The following KIF5C variants were observed in gnomAD, a reference collection of about 807,000 sequenced individuals.
KIF5C encodes kinesin family member 5C.
A neutral mutation model predicts 125.2 loss-of-function variants in KIF5C; 18 were observed. The ratio of observed to expected loss-of-function variants is 0.14; its 90% CI spans 0.10 to 0.21. The LOEUF is 0.21. Among genes scored for constraint, KIF5C ranks in the 10% least tolerant of loss-of-function variants. KIF5C has a pLI of 1.00. For missense variants in KIF5C, 780 were observed against 1,183.8 expected (o/e 0.66, Z 5.01); for synonymous variants, 405 against 434.0 (o/e 0.93, Z 0.83).
chr2:148,969,502 T>C (rs532519512), intron 11 of KIF5C, among the ~76,000 whole-genome samples: 5 of 151,312 alleles, frequency 3.3e-5, no homozygotes, highest in Admixed American at 2.6e-4. Context: ...TACAATATTA[T>C]GAGCTCTTTT....
At chr2:148,952,134 A>G (rs1336833458) in intron 10 of KIF5C, among the ~76,000 whole-genome samples, 1 of 152,214 alleles carries the variant, frequency 6.6e-6, no homozygotes, top group African/African-American at 2.4e-5. Context: ...TCAGAAACCC[A>G]CAAACCAGCA....
intron 16 of KIF5C, 114 bp downstream of exon 16, chr2:148,991,312 T>A (rs1681521277): frequency 1.4e-6 from 2 of 1,441,452 alleles, no homozygotes; most frequent in Admixed American, 2.7e-5. Context: ...CTGCTTTGTG[T>A]AAGCTTGGCC....
intron 1 of KIF5C, among the ~76,000 whole-genome samples, chr2:148,893,337 T>C (rs1360652896): frequency 6.6e-6 from 1 of 152,236 alleles, no homozygotes. Flanking sequence ...TTTTGCTCAC[T>C]AAAATAAGTT....
chr2:148,972,356 T>G (rs1477490570), intron 11 of KIF5C, among the ~76,000 whole-genome samples: 1 of 152,244 alleles, frequency 6.6e-6, no homozygotes, highest in Non-Finnish European at 1.5e-5. Flanking sequence ...TACTACTGAC[T>G]GTAGCAAGAT....
intron 4 of KIF5C, among the ~76,000 whole-genome samples, chr2:148,939,624 ATTTTACAGTCTGGATTTCTGTGTTGCAT>A: frequency 6.6e-6 from 1 of 152,212 alleles, no homozygotes; most frequent in East Asian, 1.9e-4. Flanking sequence ...CTAGGGCTGA[ATTTTACAGTCTGGATTTCTGTGTTGCAT>A]TTGTACTTAT....
intron 11 of KIF5C, among the ~76,000 whole-genome samples, chr2:148,973,005 T>TA (rs1424800332): frequency 2.0e-5 from 3 of 152,184 alleles, no homozygotes; most frequent in Non-Finnish European, 4.4e-5. Context: ...ATGACTCTAG[T>TA]AAAGCCCCAG....
chr2:149,011,818 G>C, intron 25 of KIF5C, 135 bp downstream of exon 25: 3 of 1,262,910 alleles, frequency 2.4e-6, no homozygotes, highest in Non-Finnish European at 3.3e-6. Flanking sequence ...GGGGTTCCAG[G>C]TAAACAGAGA....
At chr2:148,928,633 G>A (rs954683171) in intron 2 of KIF5C, among the ~76,000 whole-genome samples, 1 of 152,148 alleles carries the variant, frequency 6.6e-6, no homozygotes, top group African/African-American at 2.4e-5. Context: ...GAAATTTCCT[G>A]ATGCTGATGG....
At chr2:148,895,597 A>G (rs897590108) in intron 1 of KIF5C, among the ~76,000 whole-genome samples, 1 of 152,196 alleles carries the variant, frequency 6.6e-6, no homozygotes, top group Non-Finnish European at 1.5e-5. Context: ...TTATGTTTCA[A>G]ATGGTCAAAA....
At chr2:149,021,165 C>T (rs944239657) in intron 25 of KIF5C, among the ~76,000 whole-genome samples, 15 of 152,096 alleles carry the variant, frequency 9.9e-5, no homozygotes, top group Non-Finnish European at 1.5e-4. Flanking sequence ...CAGGTTCAAG[C>T]GATTCTCCTG....
At chr2:148,984,784 G>GTTTA (rs201450383) in intron 15 of KIF5C, among the ~76,000 whole-genome samples, 21 of 151,948 alleles carry the variant, frequency 1.4e-4, no homozygotes, top group Middle Eastern at 3.4e-3. Flanking sequence ...TTGGTTATTT[G>GTTTA]TTTATTTATT....
At chr2:148,913,223 A>G (rs1681412425) in intron 1 of KIF5C, among the ~76,000 whole-genome samples, 1 of 152,202 alleles carries the variant, frequency 6.6e-6, no homozygotes, top group South Asian at 2.1e-4. Flanking sequence ...AACAGTTACA[A>G]GATGCAATAT....
chr2:148,957,807 A>T (rs1035655727), intron 10 of KIF5C, among the ~76,000 whole-genome samples: 1 of 152,026 alleles, frequency 6.6e-6, no homozygotes. Flanking sequence ...TTATAAATAT[A>T]TATACACATG....
At chr2:148,973,312 A>G (rs1406976856) in intron 11 of KIF5C, 24 bp from the exon 12 acceptor site, 1 of 1,599,646 alleles carries the variant, frequency 6.3e-7, no homozygotes, top group Non-Finnish European at 8.5e-7. Context: ...TTAATCCCCA[A>G]CTCTGCTCGG....
chr2:148,992,123 GTA>G (rs1681544147), intron 16 of KIF5C, among the ~76,000 whole-genome samples: 1 of 152,272 alleles, frequency 6.6e-6, no homozygotes, highest in African/African-American at 2.4e-5. Context: ...CTTTATTCTG[GTA>G]TGCTTTTAAC....
At chr2:148,888,603 A>G (rs559755959) in intron 1 of KIF5C, 1 of 151,548 alleles carries the variant, frequency 6.6e-6, no homozygotes, top group African/African-American at 2.4e-5. Flanking sequence ...TCTCTTCCCA[A>G]CCCCCACTCA....
rs1036959688 is a variant in KIF5C, at chr2:148,875,405, A to G, written c.-213A>G. On this transcript the variant is annotated 5_prime_UTR_variant, in exon 1 of 26. Coordinates refer to ENST00000435030, the MANE Select transcript of KIF5C (RefSeq NM_004522.3). ...CCAGGGCAGGCCGGTCTGCAGCCGG[A>G]GGGGCCGGAGCGGAGAAGCTGCCCA... The G allele has an allele frequency of 5.6e-5, 29 of 520,332 alleles. No homozygotes were observed. The South Asian group carries it at 6.6e-4, about 12-fold the overall frequency. The allele number at this position is 520,332 out of a possible 1,614,324, so 32.2% of individuals were successfully genotyped here.
chr2:148,964,730 G>A (rs1367007622), intron 11 of KIF5C, among the ~76,000 whole-genome samples: 2 of 152,138 alleles, frequency 1.3e-5, no homozygotes, highest in Non-Finnish European at 2.9e-5. Flanking sequence ...TGGGGGCTCC[G>A]AGAATGGAGG....
intron 1 of KIF5C, among the ~76,000 whole-genome samples, chr2:148,902,889 A>G (rs1680960659): frequency 6.6e-6 from 1 of 152,212 alleles, no homozygotes; most frequent in Non-Finnish European, 1.5e-5. Context: ...TAAGTAAAAT[A>G]ATTCTTGGCC....
Sources: allele counts gnomAD v4.1 joint callset (sites outside exome capture counted in the v4.1 genomes callset), GRCh38; gene constraint gnomAD v4.1.1; transcripts MANE v1.5; gene names NCBI Gene and HGNC (gene_info 2026-07-23, HGNC 2026-07-21).